The following RIF1 variants were observed in gnomAD, a reference collection of about 807,000 sequenced individuals.
RIF1 encodes telomere-associated protein RIF1.
A neutral mutation model predicts 247.1 loss-of-function variants in RIF1; 45 were observed. The ratio of observed to expected loss-of-function variants is 0.18; its 90% CI spans 0.14 to 0.23. RIF1 has a LOEUF of 0.23. Ranked by LOEUF, RIF1 falls within the 10% of genes least tolerant of loss-of-function variation. The pLI is 1.00. For missense variants in RIF1, 2,967 were observed against 2,862.5 expected (o/e 1.04, Z -0.83); for synonymous variants, 1,087 against 978.8 (o/e 1.11, Z -2.06).
At chr2:151,426,290 T>C (rs1689089156) in intron 8 of RIF1, among the ~76,000 whole-genome samples, 1 of 147,882 alleles carries the variant, frequency 6.8e-6, no homozygotes, top group South Asian at 2.3e-4. Flanking sequence ...TTCTCCTGCC[T>C]CAGCCTCCCG....
chr2:151,509,904 G>A (rs1007171909), downstream of RIF1, among the ~76,000 whole-genome samples: 7 of 152,118 alleles, frequency 4.6e-5, no homozygotes, highest in Admixed American at 2.0e-4. Context: ...CACTGCGCCC[G>A]ACCAAGAGTT....
the RIF1 span, chr2:151,527,066 C>T: frequency 7.6e-7 from 1 of 1,310,986 alleles, no homozygotes; most frequent in African/African-American, 1.5e-5. Flanking sequence ...GGTGACAGCA[C>T]AGGAGGAAGC....
chr2:151,429,906 C>G (rs1020884634), intron 9 of RIF1, among the ~76,000 whole-genome samples: 2 of 152,134 alleles, frequency 1.3e-5, no homozygotes, highest in South Asian at 4.1e-4. Flanking sequence ...TTTACAAGAG[C>G]TGCTAAGTAA....
At chr2:151,421,693 A>T (rs553974901) in intron 7 of RIF1, among the ~76,000 whole-genome samples, 1 of 152,102 alleles carries the variant, frequency 6.6e-6, no homozygotes, top group African/African-American at 2.4e-5. Context: ...GACAGGCGTG[A>T]GCCACCACAC....
In RIF1 at chr2:151,497,552, T is replaced by TA. The variant is rs1445777616; in HGVS notation, c.*514-1792dup. 9 of 1,525,026 alleles carry TA rather than the reference T, an allele frequency of 5.9e-6. No homozygotes were observed. The African/African-American group carries it at 1.3e-4, about 21-fold the overall frequency. 94.5% of individuals were successfully genotyped at this position (1,525,026 alleles called of 1,614,324 possible). On this transcript the variant is annotated intron_variant and NMD_transcript_variant, in intron 10 of 13. Coordinates refer to the RIF1 transcript ENST00000454583. Reference sequence around the variant, plus strand: ...AGTTGTCTTTAAAAAGTAGGATTAATACGTATTATTTTAAATCATGAAAGT... The same window carrying TA: ...AGTTGTCTTTAAAAAGTAGGATTAATAACGTATTATTTTAAATCATGAAAGT...
chr2:151,468,180 A>G, intron 31 of RIF1, 34 bp downstream of exon 31: 2 of 1,537,470 alleles, frequency 1.3e-6, no homozygotes, highest in South Asian at 1.2e-5. Context: ...ACATATATGT[A>G]TACCGACACA....
chr2:151,505,716 C>T, intron 12 of RIF1: 1 of 673,810 alleles, frequency 1.5e-6, no homozygotes, highest in Non-Finnish European at 2.6e-6. Context: ...TGAATGGGAC[C>T]TCATTCTGAT....
chr2:151,473,932 T>C (rs1359261903), intron 34 of RIF1, 32 bp from the exon 35 acceptor site: 5 of 1,058,840 alleles, frequency 4.7e-6, no homozygotes, highest in East Asian at 2.4e-5. Context: ...TGTTGTTGTT[T>C]TGCGTTTTTT....
At chr2:151,414,701 G>T in intron 3 of RIF1, 122 bp from the exon 4 acceptor site, 5 of 610,264 alleles carry the variant, frequency 8.2e-6, no homozygotes, top group South Asian at 4.5e-5. Context: ...TTTTTTATGC[G>T]TATTCTCAAG....
At chr2:151,482,254 T>A (rs995099554), downstream of RIF1, 1 of 152,228 alleles carries the variant, frequency 6.6e-6, no homozygotes, top group Non-Finnish European at 1.5e-5. Context: ...ATGAATAGTT[T>A]AATTCAAATA....
chr2:151,491,095 A>G (rs2056231967), intron 9 of RIF1: 1 of 153,378 alleles, frequency 6.5e-6, no homozygotes, highest in Non-Finnish European at 1.4e-5. Flanking sequence ...CAGTGGTACA[A>G]TCACGGCTCA....
the RIF1 span, among the ~76,000 whole-genome samples, chr2:151,518,101 C>G: frequency 6.6e-6 from 1 of 152,182 alleles, no homozygotes; most frequent in East Asian, 1.9e-4. Flanking sequence ...CTTCCAGCCC[C>G]TGCCAGTAGC....
chr2:151,452,523 T>G (rs149149839), intron 21 of RIF1, among the ~76,000 whole-genome samples: 185 of 152,314 alleles, frequency 1.2e-3, no homozygotes, highest in African/African-American at 4.4e-3. Flanking sequence ...GGTTTTTGAA[T>G]TTTTACTAAG....
chr2:151,493,508 C>A, intron 9 of RIF1: 1 of 1,098,272 alleles, frequency 9.1e-7, no homozygotes, highest in South Asian at 1.6e-5. Context: ...AAAATCATCA[C>A]TTAGCTGGTG....
Position 151,462,473 on chromosome 2 carries a change from T to C in RIF1, c.3363+7T>C. On this transcript the variant is annotated splice_region_variant and intron_variant, in intron 29 of 35. Coordinates refer to ENST00000444746, the MANE Select transcript of RIF1 (RefSeq NM_018151.5). ...TTCTAAGATGATGATTACGGTATGT[T>C]TGACATTTCATATTTTGGGCTTTTT... 1 of 1,545,780 alleles carries C rather than the reference T, an allele frequency of 6.5e-7. No individual in the cohort carries two copies. The highest frequency in any genetic ancestry group is 8.7e-7 in the Non-Finnish European group (1 of 1,144,168).
chr2:151,527,412 A>C, the RIF1 span: 2 of 1,145,348 alleles, frequency 1.7e-6, no homozygotes, highest in Non-Finnish European at 2.5e-6. Context: ...TGGTTATTAT[A>C]AATAATTATT....
intron 7 of RIF1, among the ~76,000 whole-genome samples, 198 bp from the exon 8 acceptor site, chr2:151,422,752 G>A (rs1020875751): frequency 6.6e-6 from 1 of 151,732 alleles, no homozygotes; most frequent in Admixed American, 6.6e-5. Context: ...GGCCGAGGCA[G>A]GTGATTCTCC....
rs1344099907 is a variant in RIF1, at chr2:151,497,028, T to TAACA, written c.*513+1703_*513+1706dup. 9 of 1,568,560 alleles carry TAACA rather than the reference T, an allele frequency of 5.7e-6. No homozygotes were observed. The highest frequency in any genetic ancestry group is 1.4e-5 in the African/African-American group (1 of 74,008). ...TTCCCTTGCCCATGTTTTCTTTGTATAACACCTGTGCGATAAGAAAGCAAC... is the reference window on the plus strand; with the variant it reads ...TTCCCTTGCCCATGTTTTCTTTGTATAACAAACACCTGTGCGATAAGAAAGCAAC... On this transcript the variant is annotated intron_variant and NMD_transcript_variant, in intron 10 of 13. Transcript: ENST00000454583.
At chr2:151,450,456 A>G (rs887953559) in intron 20 of RIF1, among the ~76,000 whole-genome samples, 1 of 152,118 alleles carries the variant, frequency 6.6e-6, no homozygotes, top group Non-Finnish European at 1.5e-5. Context: ...GAGATTAATG[A>G]CTACTGATGT....
Sources: allele counts gnomAD v4.1 joint callset (sites outside exome capture counted in the v4.1 genomes callset), GRCh38; gene constraint gnomAD v4.1.1; transcripts MANE v1.5; gene names NCBI Gene and HGNC (gene_info 2026-07-23, HGNC 2026-07-21).